The following ADCY2 variants were observed in gnomAD, a reference collection of about 807,000 sequenced individuals.
ADCY2 encodes adenylate cyclase type 2.
Under a neutral mutation model 125.2 loss-of-function variants are expected in ADCY2, and 31 were observed. The ratio of observed to expected loss-of-function variants is 0.25; its 90% confidence interval spans 0.19 to 0.33. ADCY2 has a LOEUF of 0.33. Among genes scored for constraint, ADCY2 ranks in the 10% least tolerant of loss-of-function variants. ADCY2 has a pLI of 1.00. For synonymous variants in ADCY2, 512 were observed against 548.4 expected (o/e 0.93, Z 0.93); for missense variants, 904 against 1,418.2 (o/e 0.64, Z 5.82).
At chr5:7,741,822 C>T (rs201801880) in intron 14 of ADCY2, among the ~76,000 whole-genome samples, 18,224 of 151,390 alleles carry the variant, frequency 0.12, 1,190 homozygotes, top group African/African-American at 0.13. Context: ...TTACCATCAC[C>T]ATCATCACCA....
intron 3 of ADCY2, among the ~76,000 whole-genome samples, chr5:7,563,128 TA>T (rs1457397220): frequency 1.3e-5 from 2 of 152,210 alleles, no homozygotes; most frequent in African/African-American, 4.8e-5. Flanking sequence ...CTCTGATATT[TA>T]TTTTTAAGAA....
intron 5 of ADCY2, among the ~76,000 whole-genome samples, chr5:7,694,181 G>A (rs574227738): frequency 7.9e-5 from 12 of 152,332 alleles, no homozygotes; most frequent in Admixed American, 7.8e-4. Context: ...GGGCTTAGCA[G>A]AAGGAGCAGA....
At chr5:7,645,866 A>T (rs1386680117) in intron 4 of ADCY2, among the ~76,000 whole-genome samples, 2 of 152,264 alleles carry the variant, frequency 1.3e-5, no homozygotes, top group African/African-American at 4.8e-5. Flanking sequence ...GACAAGAGTC[A>T]GATTTGCATT....
At chr5:7,699,404 A>AT (rs201522522) in intron 7 of ADCY2, among the ~76,000 whole-genome samples, 44 of 151,700 alleles carry the variant, frequency 2.9e-4, no homozygotes, top group African/African-American at 9.9e-4. Context: ...GCCAGTAAGC[A>AT]TTTTTTTTAA....
At chr5:7,403,463 A>C (rs1739344808) in intron 1 of ADCY2, among the ~76,000 whole-genome samples, 1 of 152,208 alleles carries the variant, frequency 6.6e-6, no homozygotes, top group Non-Finnish European at 1.5e-5. Context: ...AGGTGCATAA[A>C]ATAGAATTAC....
At chr5:7,772,231 C>T (rs1037981951) in intron 17 of ADCY2, among the ~76,000 whole-genome samples, 3 of 152,156 alleles carry the variant, frequency 2.0e-5, no homozygotes, top group Non-Finnish European at 4.4e-5. Context: ...TGAACGGTGC[C>T]TGCAGTGGTA....
At chr5:7,404,585 G>GTC (rs1278145793) in intron 1 of ADCY2, among the ~76,000 whole-genome samples, 1 of 152,194 alleles carries the variant, frequency 6.6e-6, no homozygotes, top group Non-Finnish European at 1.5e-5. Context: ...TTGCTTCCAT[G>GTC]TCTAACTACT....
chr5:7,563,338 C>T (rs1305542251), intron 3 of ADCY2, among the ~76,000 whole-genome samples: 2 of 152,074 alleles, frequency 1.3e-5, no homozygotes, highest in Admixed American at 6.5e-5. Flanking sequence ...AGGAAACTAG[C>T]GATGAGCATA....
At chr5:7,716,150 T>C (rs919101693) in intron 11 of ADCY2, among the ~76,000 whole-genome samples, 7 of 152,228 alleles carry the variant, frequency 4.6e-5, no homozygotes, top group African/African-American at 1.7e-4. Flanking sequence ...TCTTATATTA[T>C]GGCTAAAGGT....
intron 3 of ADCY2, among the ~76,000 whole-genome samples, chr5:7,562,120 T>G (rs1404080179): frequency 1.3e-5 from 2 of 151,996 alleles, no homozygotes; most frequent in Non-Finnish European, 2.9e-5. Context: ...TTATTGTTGA[T>G]ATATATATAA....
chr5:7,728,040 G>T (rs1741982144), intron 14 of ADCY2, among the ~76,000 whole-genome samples: 1 of 151,994 alleles, frequency 6.6e-6, no homozygotes, highest in East Asian at 1.9e-4. Flanking sequence ...TTTTAAGATA[G>T]ATTTTTTTTT....
At chr5:7,434,786 C>T (rs1740733115) in intron 2 of ADCY2, among the ~76,000 whole-genome samples, 1 of 152,180 alleles carries the variant, frequency 6.6e-6, no homozygotes, top group South Asian at 2.1e-4. Context: ...TTCTACAAAG[C>T]GTGTCTCCCA....
intron 14 of ADCY2, among the ~76,000 whole-genome samples, chr5:7,738,251 A>G (rs2126421612): frequency 6.6e-6 from 1 of 152,272 alleles, no homozygotes; most frequent in East Asian, 1.9e-4. Context: ...TGTGTCATGT[A>G]TTTTTTGAAG....
intron 2 of ADCY2, among the ~76,000 whole-genome samples, chr5:7,448,155 G>A (rs1252492764): frequency 6.6e-6 from 1 of 152,214 alleles, no homozygotes; most frequent in South Asian, 2.1e-4. Context: ...CCCTGAGGTA[G>A]GGATGGGGTC....
At chr5:7,516,786 G>C (rs1175194625) in intron 2 of ADCY2, among the ~76,000 whole-genome samples, 3 of 152,108 alleles carry the variant, frequency 2.0e-5, no homozygotes, top group Non-Finnish European at 4.4e-5. Context: ...TTTGCAGCAG[G>C]GCAAAGAGGG....
intron 3 of ADCY2, among the ~76,000 whole-genome samples, chr5:7,623,495 C>T (rs2126655441): frequency 6.6e-6 from 1 of 152,298 alleles, no homozygotes; most frequent in Non-Finnish European, 1.5e-5. Flanking sequence ...ATTGACAATG[C>T]ACCATTGGAC....
chr5:7,673,055 T>TA (rs1739987072), intron 4 of ADCY2, among the ~76,000 whole-genome samples: 1 of 151,492 alleles, frequency 6.6e-6, no homozygotes, highest in Non-Finnish European at 1.5e-5. Flanking sequence ...CTATATCATG[T>TA]AATTTTATTA....
At chr5:7,792,110 C>T (rs112013343) in intron 20 of ADCY2, among the ~76,000 whole-genome samples, 17,001 of 151,022 alleles carry the variant, frequency 0.11, 2,397 homozygotes, top group African/African-American at 0.34. Context: ...CGGTGGCTCA[C>T]GCCTGTAATC....
At chr5:7,797,326 C>A (rs1295813207) in intron 20 of ADCY2, 2 of 152,270 alleles carry the variant, frequency 1.3e-5, no homozygotes, top group African/African-American at 4.8e-5. Context: ...GACAAAGCAC[C>A]AGTCTGGTCT....
Sources: allele counts gnomAD v4.1 joint callset (sites outside exome capture counted in the v4.1 genomes callset), GRCh38; gene constraint gnomAD v4.1.1; transcripts MANE v1.5; gene names NCBI Gene and HGNC (gene_info 2026-07-23, HGNC 2026-07-21).